The following CNTN5 variants were observed in gnomAD, a reference collection of about 807,000 sequenced individuals.
CNTN5 encodes contactin 5, also known as contactin-5.
A neutral mutation model predicts 129.1 loss-of-function variants in CNTN5; 77 were observed. The observed-to-expected ratio is 0.60, with a 90% CI of 0.50 to 0.72. CNTN5 has a LOEUF of 0.72. Ranked by LOEUF, CNTN5 falls within the 30% of genes least tolerant of loss-of-function variation. The pLI is 0.00. For synonymous variants in CNTN5, 509 were observed against 465.6 expected, an observed-to-expected ratio of 1.09 and a Z score of -1.20; for missense variants, 1,478 against 1,328.8, an observed-to-expected ratio of 1.11 and a Z score of -1.75.
intron 3 of CNTN5, among the ~76,000 whole-genome samples, chr11:99,646,528 A>G (rs1327523452): frequency 6.6e-6 from 1 of 152,164 alleles, no homozygotes; most frequent in South Asian, 2.1e-4. Flanking sequence ...GTCAGAATAT[A>G]CAATCAATCC....
rs571227505 is a variant in CNTN5 at position 99,113,798 on chromosome 11, A to G, written c.-210+92528A>G. 2.6e-5 allele frequency among the ~76,000 whole-genome samples: 4 copies of G among 152,304 alleles called. No individual in the cohort carries two copies. In the South Asian group the frequency reaches 8.3e-4, roughly 32 times the overall value. On this transcript the variant is annotated intron_variant, in intron 1 of 24. Coordinates refer to ENST00000524871, the MANE Select transcript of CNTN5 (RefSeq NM_014361.4). ...GCTACACCATTTCTTTGGGGGAAAG[A>G]AAAAACCCTTAAAATAAATTCCTAA...
intron 13 of CNTN5, among the ~76,000 whole-genome samples, chr11:100,087,348 A>G (rs1944592705): frequency 6.6e-6 from 1 of 151,972 alleles, no homozygotes; most frequent in South Asian, 2.1e-4. Context: ...ATCTTCAAAC[A>G]TACACCAAAA....
At chr11:99,692,858 T>C (rs1160463088) in intron 3 of CNTN5, among the ~76,000 whole-genome samples, 1 of 152,188 alleles carries the variant, frequency 6.6e-6, no homozygotes, top group Admixed American at 6.5e-5. Flanking sequence ...AAAAAATTTA[T>C]TGATATCATT....
At chr11:99,879,817 G>A (rs1426907452) in intron 6 of CNTN5, among the ~76,000 whole-genome samples, 1 of 152,170 alleles carries the variant, frequency 6.6e-6, no homozygotes, top group Non-Finnish European at 1.5e-5. Context: ...GCCTAAGATC[G>A]AGAGTGTGTG....
intron 1 of CNTN5, among the ~76,000 whole-genome samples, chr11:99,033,266 C>T (rs1863500468): frequency 6.6e-6 from 1 of 151,754 alleles, no homozygotes; most frequent in African/African-American, 2.4e-5. Context: ...TTTTTGGTTC[C>T]ATATGAACTT....
chr11:100,319,783 T>A (rs1179100684), intron 21 of CNTN5, among the ~76,000 whole-genome samples: 1 of 152,192 alleles, frequency 6.6e-6, no homozygotes, highest in Non-Finnish European at 1.5e-5. Context: ...AGAGTCCACA[T>A]ATGGGTAAGA....
At chr11:99,969,684 C>A (rs989496860) in intron 8 of CNTN5, among the ~76,000 whole-genome samples, 7 of 152,098 alleles carry the variant, frequency 4.6e-5, no homozygotes, top group African/African-American at 1.7e-4. Flanking sequence ...ATTTTCTTTT[C>A]ATCTTTCCTG....
intron 1 of CNTN5, among the ~76,000 whole-genome samples, chr11:99,306,533 T>C: frequency 6.6e-6 from 1 of 152,070 alleles, no homozygotes; most frequent in East Asian, 1.9e-4. Context: ...GATTATATAT[T>C]GTTTCAGAGT....
intron 2 of CNTN5, among the ~76,000 whole-genome samples, chr11:99,443,357 G>A (rs17133544): frequency 0.01 from 1,548 of 152,226 alleles, 71 homozygotes; most frequent in East Asian, 0.093. Context: ...ATGCTGCATG[G>A]TCCCAAATGA....
At chr11:99,323,473 A>G (rs1865654813) in intron 1 of CNTN5, among the ~76,000 whole-genome samples, 1 of 152,174 alleles carries the variant, frequency 6.6e-6, no homozygotes, top group Non-Finnish European at 1.5e-5. Context: ...TTAGTTCATA[A>G]TGAAATGTGA....
At chr11:99,063,522 A>G (rs1362665252) in intron 1 of CNTN5, among the ~76,000 whole-genome samples, 1 of 42,772 alleles carries the variant, frequency 2.3e-5, no homozygotes, top group Non-Finnish European at 5.9e-5. Flanking sequence ...ATAAATAAAT[A>G]AATAAATAAA....
At chr11:99,492,700 T>C (rs1946082499) in intron 2 of CNTN5, among the ~76,000 whole-genome samples, 1 of 152,054 alleles carries the variant, frequency 6.6e-6, no homozygotes, top group Non-Finnish European at 1.5e-5. Flanking sequence ...CATAACAAAT[T>C]CATTCAATGT....
chr11:99,406,306 A>G (rs1482034855), intron 2 of CNTN5, among the ~76,000 whole-genome samples: 13 of 152,024 alleles, frequency 8.6e-5, no homozygotes, highest in Admixed American at 7.9e-4. Flanking sequence ...TCATAGAGGT[A>G]CCACCTTGAT....
At chr11:100,001,296 T>C (rs1591550943) in intron 8 of CNTN5, among the ~76,000 whole-genome samples, 1 of 152,114 alleles carries the variant, frequency 6.6e-6, no homozygotes, top group African/African-American at 2.4e-5. Flanking sequence ...ACCATGAAAT[T>C]TTGTGAGAAC....
chr11:100,243,488 T>A (rs1246685098), intron 16 of CNTN5, among the ~76,000 whole-genome samples: 1 of 152,170 alleles, frequency 6.6e-6, no homozygotes, highest in Non-Finnish European at 1.5e-5. Context: ...TTAATCTACT[T>A]CATCAGGTGC....
chr11:100,239,148 T>G (rs1462097582), intron 16 of CNTN5, among the ~76,000 whole-genome samples: 1 of 152,206 alleles, frequency 6.6e-6, no homozygotes, highest in East Asian at 1.9e-4. Flanking sequence ...TTATTAAATA[T>G]TCCATTGTGT....
At chr11:99,744,417 G>A (rs2135176837) in intron 3 of CNTN5, among the ~76,000 whole-genome samples, 1 of 151,784 alleles carries the variant, frequency 6.6e-6, no homozygotes, top group South Asian at 2.1e-4. Flanking sequence ...AAACAATGTT[G>A]GGACTGGGCC....
chr11:99,427,058 GAAAAAC>G (rs1943150860), intron 2 of CNTN5, among the ~76,000 whole-genome samples: 1 of 152,124 alleles, frequency 6.6e-6, no homozygotes, highest in Admixed American at 6.5e-5. Flanking sequence ...CCGAAAGGCA[GAAAAAC>G]AAAAACAAAA....
Position 99,023,135 on chromosome 11 carries a change from A to T in CNTN5, c.-210+1865A>T, listed in dbSNP as rs141226788. 9.1e-4 allele frequency among the ~76,000 whole-genome samples: 138 copies of T among 152,360 alleles called. 1 individual carries two copies. The highest frequency in any genetic ancestry group is 3.3e-3 in the African/African-American group (138 of 41,594). On this transcript the variant is annotated intron_variant, in intron 1 of 24. Coordinates refer to ENST00000524871, the MANE Select transcript of CNTN5 (RefSeq NM_014361.4). Reference sequence around the variant, plus strand: ...ATGTTTCTCAAGGTGAGCAGTTAGTACTTCAAGTATTAGGTGGTCTGAAAC... The same window carrying T: ...ATGTTTCTCAAGGTGAGCAGTTAGTTCTTCAAGTATTAGGTGGTCTGAAAC...
Sources: allele counts gnomAD v4.1 joint callset (sites outside exome capture counted in the v4.1 genomes callset), GRCh38; gene constraint gnomAD v4.1.1; transcripts MANE v1.5; gene names NCBI Gene and HGNC (gene_info 2026-07-23, HGNC 2026-07-21).